ARHGAP23: variants seen among roughly 807,000 people sequenced by gnomAD.
ARHGAP23 encodes the protein rho GTPase-activating protein 23.
ARHGAP23 carries 34 observed loss-of-function variants against 136.3 expected under a neutral mutation model. The observed-to-expected ratio is 0.25, with a 90% CI of 0.19 to 0.33. ARHGAP23 has a LOEUF of 0.33. Ranked by LOEUF, ARHGAP23 falls within the 10% of genes least tolerant of loss-of-function variation. The probability of loss-of-function intolerance (pLI) is 1.00; values close to 1 mark genes in which losing one functional copy is unlikely to be tolerated. For missense variants in ARHGAP23, 1,808 were observed against 2,139.0 expected, an observed-to-expected ratio of 0.85 and a Z score of 3.05; for synonymous variants, 832 against 920.5, an observed-to-expected ratio of 0.90 and a Z score of 1.74.
At chr17:38,469,940 G>A (rs1354067734) in intron 10 of ARHGAP23, 36 bp downstream of exon 10, 9 of 1,550,260 alleles carry the variant, frequency 5.8e-6, no homozygotes, top group African/African-American at 2.7e-5. Context: ...GCGCAGGAGC[G>A]AGGGTGTGGG....
Position 38,510,115 on chromosome 17 carries a change from C to T in ARHGAP23, c.3619C>T (p.Pro1207Ser). Residue 1207 changes from proline (P) to serine (S), a missense_variant, in exon 24 of 24, where the codon CCG becomes TCG. Pro to Ser is a moderately conservative substitution (Grantham distance 74). Around this residue, in one of 7 missense-constraint regions of ARHGAP23, gnomAD observed 506 missense variants for 455.8 expected, o/e 1.11. Coordinates refer to ENST00000622683, the MANE Select transcript of ARHGAP23 (RefSeq NM_001199417.2). This position sits in a 1 kb window ranked among gnomAD's most constrained non-coding sequence, Gnocchi z 4.6. ...CAAGCCTGGGGCGGGGGCCACAGCG[C>T]CGGGGACTCAGGAGCGGCCGCAGGG... ...AHKPGAGATA[P>S]GTQERPQGPL... The T allele has an allele frequency of 4.0e-6, 5 of 1,258,528 alleles. No individual in the cohort carries two copies. The South Asian group carries it at 1.4e-4, about 35-fold the overall frequency. The allele number at this position is 1,258,528 out of a possible 1,614,324, so 78.0% of individuals were successfully genotyped here. A position where few individuals can be genotyped will look rare whatever the true frequency, so the allele number is the denominator to read the frequency against.
chr17:38,489,931 T>C (rs2040235545), intron 17 of ARHGAP23, 171 bp from the exon 18 acceptor site: 3 of 646,880 alleles, frequency 4.6e-6, no homozygotes, highest in East Asian at 5.5e-5. Context: ...AGTGCAGCTG[T>C]GGTGAGTGCA....
At chr17:38,480,771 TC>T (rs941625629) in intron 14 of ARHGAP23, among the ~76,000 whole-genome samples, 3 of 133,630 alleles carry the variant, frequency 2.2e-5, no homozygotes, top group African/African-American at 8.6e-5. Flanking sequence ...ACCACTGCAC[TC>T]CAGCCTGGGT....
intron 23 of ARHGAP23, among the ~76,000 whole-genome samples, chr17:38,501,458 C>T (rs1243287624): frequency 5.9e-5 from 9 of 152,050 alleles, no homozygotes; most frequent in East Asian, 1.9e-4. Context: ...CCCACCATCA[C>T]GTCCAGCTAA....
At chr17:38,490,941 C>T (rs895817595) in intron 19 of ARHGAP23, among the ~76,000 whole-genome samples, 39 of 152,248 alleles carry the variant, frequency 2.6e-4, no homozygotes, top group African/African-American at 8.7e-4. Context: ...TGTTTTGAGA[C>T]GAAGTCTCAC....
chr17:38,504,978 C>CTTT lies in ARHGAP23; in HGVS notation c.3447+4393_3447+4395dup, dbSNP rs71138627. Among the ~76,000 whole-genome samples, 25 of 43,168 alleles carry CTTT rather than the reference C, an allele frequency of 5.8e-4. 7 individuals carry two copies. Among genetic ancestry groups the CTTT allele is most frequent in the Non-Finnish European group, 9.4e-4 (19 of 20,290 alleles). 28.3% of individuals were successfully genotyped at this position (43,168 alleles called of 152,430 possible). ...ATTACTCAGAAGCCTCCCTTATCAT[C>CTTT]TTTTTTTTTTTTTTTTTTTTTTTTT... On this transcript the variant is annotated intron_variant, in intron 23 of 23. Coordinates refer to ENST00000622683, the MANE Select transcript of ARHGAP23 (RefSeq NM_001199417.2).
rs1384007678 is a variant in ARHGAP23, at chr17:38,454,382, G to T, written c.64-3720G>T. 2.6e-5 allele frequency among the ~76,000 whole-genome samples: 4 copies of T among 152,128 alleles called. No individual in the cohort carries two copies. In the South Asian group the frequency reaches 8.3e-4, roughly 32 times the overall value. On this transcript the variant is annotated intron_variant, in intron 1 of 23. Coordinates refer to ENST00000622683, the MANE Select transcript of ARHGAP23 (RefSeq NM_001199417.2). ...CCCCAGTCTGGGTCGAGGCCTCCACGGGGCTCAGCCCTCTCGGTTTCCAGG... is the reference window on the plus strand; with the variant it reads ...CCCCAGTCTGGGTCGAGGCCTCCACTGGGCTCAGCCCTCTCGGTTTCCAGG...
chr17:38,493,734 G>T (rs1339575228), intron 20 of ARHGAP23, among the ~76,000 whole-genome samples: 1 of 152,190 alleles, frequency 6.6e-6, no homozygotes, highest in Non-Finnish European at 1.5e-5. Flanking sequence ...TCTTCAGGTC[G>T]GAAAGAGCGT....
At chr17:38,479,165 T>C (rs1337964497) in intron 12 of ARHGAP23, among the ~76,000 whole-genome samples, 2 of 152,022 alleles carry the variant, frequency 1.3e-5, no homozygotes, top group African/African-American at 4.8e-5. Context: ...CGGTGGCGAG[T>C]GCTGCATGAT....
chr17:38,478,686 G>T (rs1243177016), intron 12 of ARHGAP23, among the ~76,000 whole-genome samples: 1 of 152,152 alleles, frequency 6.6e-6, no homozygotes, highest in African/African-American at 2.4e-5. Context: ...TGGGATTACA[G>T]GTGTGAGCTA....
At chr17:38,446,660 G>A (rs1313524717) in intron 1 of ARHGAP23, among the ~76,000 whole-genome samples, 1 of 147,290 alleles carries the variant, frequency 6.8e-6, no homozygotes, top group Non-Finnish European at 1.5e-5. Flanking sequence ...TGCCCAGGCT[G>A]GAGTGCAACG....
intron 20 of ARHGAP23, among the ~76,000 whole-genome samples, chr17:38,492,327 G>A (rs1200445096): frequency 6.6e-6 from 1 of 152,186 alleles, no homozygotes; most frequent in Non-Finnish European, 1.5e-5. Flanking sequence ...TGAGAACAGA[G>A]CCCCTCCTGC....
intron 20 of ARHGAP23, 79 bp downstream of exon 20, chr17:38,491,611 G>T (rs1169513521): frequency 6.5e-7 from 1 of 1,531,364 alleles, no homozygotes; most frequent in East Asian, 2.5e-5. Context: ...CTCTTGCTCC[G>T]CCTGGCGGAG....
chr17:38,448,911 G>T (rs115243922), intron 1 of ARHGAP23, among the ~76,000 whole-genome samples: 1,469 of 141,032 alleles, frequency 0.01, 23 homozygotes, highest in African/African-American at 0.039. Context: ...TGACCTCCCT[G>T]GGTTCAGGTG....
At chr17:38,497,169 A>C (rs34954322) in intron 20 of ARHGAP23, among the ~76,000 whole-genome samples, 20,640 of 152,198 alleles carry the variant, frequency 0.14, 1,969 homozygotes, top group African/African-American at 0.27. Flanking sequence ...CAAGATTCTC[A>C]AATTTTACAA....
At chr17:38,434,742 G>A (rs2038758384) in intron 1 of ARHGAP23, among the ~76,000 whole-genome samples, 2 of 152,232 alleles carry the variant, frequency 1.3e-5, no homozygotes, top group Admixed American at 1.3e-4. Flanking sequence ...CTTCTGTCTG[G>A]CTCTGTGCTC....
chr17:38,509,549 C>T (rs1297544004), intron 23 of ARHGAP23, among the ~76,000 whole-genome samples: 1 of 152,090 alleles, frequency 6.6e-6, no homozygotes, highest in Non-Finnish European at 1.5e-5. Flanking sequence ...GATCAGCATG[C>T]AGGAAGCTCT....
rs1172200385 is a variant in ARHGAP23, at chr17:38,511,827, CCAGGCACA to C, written c.*859_*866del. The C allele has an allele frequency of 6.6e-6, 1 of 152,162 alleles. No homozygotes were observed. The highest frequency in any genetic ancestry group is 2.4e-5 in the African/African-American group (1 of 41,402). 9.4% of individuals were successfully genotyped at this position (152,162 alleles called of 1,614,324 possible). ...CATCTGTGCCTGTTCCTTCCACAGC[CCAGGCACA>C]CAGAAGCCCACCTTCTTCCCCTTAG... On this transcript the variant is annotated 3_prime_UTR_variant, in exon 24 of 24. Transcript: ENST00000622683.
rs1226586214 is a variant in ARHGAP23 at position 38,466,596 on chromosome 17, T to C, written c.913T>C (p.Cys305Arg). 6.6e-7 allele frequency: 1 copy of C among 1,511,344 alleles called. No individual in the cohort carries two copies. Among genetic ancestry groups the C allele is most frequent in the Non-Finnish European group, 8.8e-7 (1 of 1,135,150 alleles). The allele number at this position is 1,511,344 out of a possible 1,614,324, so 93.6% of individuals were successfully genotyped here. ...ACCCCGCCGGGCGGGGGAGAGACGG[T>C]GCCCAGCCATGGCCCCCCGGGCCCG... ...QVPRRAGERR[C>R]PAMAPRARSA... Residue 305 changes from cysteine (C) to arginine (R), a missense_variant, in exon 7 of 24, where the codon TGC becomes CGC. By Grantham distance (180) the Cys-to-Arg change is radical. This residue lies in a region of ARHGAP23 where 859 missense variants were observed against 936.4 expected (regional missense o/e 0.92). Coordinates refer to ENST00000622683, the MANE Select transcript of ARHGAP23 (RefSeq NM_001199417.2).
Sources: gnomAD v4.1 joint callset for allele counts (sites outside exome capture counted in the v4.1 genomes callset) on GRCh38, gnomAD v4.1.1 for gene constraint, gnomAD v4.1.1 regional missense constraint, Gnocchi (gnomAD v3.1) non-coding constraint, MANE v1.5 for transcripts, NCBI Gene and HGNC (gene_info 2026-07-23, HGNC 2026-07-21) for gene names.